The following DLGAP2 variants were observed in gnomAD, a reference collection of about 807,000 sequenced individuals.
DLGAP2 encodes the protein disks large-associated protein 2.
DLGAP2 carries 26 observed loss-of-function variants against 100.3 expected under a neutral mutation model. The ratio of observed to expected loss-of-function variants is 0.26; its 90% confidence interval spans 0.19 to 0.36. The LOEUF is 0.36. Ranked by LOEUF, DLGAP2 falls within the 10% of genes least tolerant of loss-of-function variation. The pLI is 1.00. For missense variants in DLGAP2, 1,858 were observed against 1,453.2 expected, an observed-to-expected ratio of 1.28 and a Z score of -4.53; for synonymous variants, 886 against 630.1, an observed-to-expected ratio of 1.41 and a Z score of -6.08.
chr8:1,194,440 C>T (rs67565172), intron 2 of DLGAP2, among the ~76,000 whole-genome samples: 72,662 of 151,910 alleles, frequency 0.48, 18,112 homozygotes, highest in African/African-American at 0.63. Flanking sequence ...CTGCCCAGGG[C>T]GGCCTCCAGG....
At chr8:1,577,609 C>T (rs1803041249) in intron 6 of DLGAP2, among the ~76,000 whole-genome samples, 1 of 149,944 alleles carries the variant, frequency 6.7e-6, no homozygotes, top group South Asian at 2.1e-4. Context: ...AAGTAAATGC[C>T]ACAGGATATC....
At chr8:903,662 G>A (rs895892265) in intron 1 of DLGAP2, among the ~76,000 whole-genome samples, 6 of 152,078 alleles carry the variant, frequency 3.9e-5, no homozygotes, top group African/African-American at 1.4e-4. Flanking sequence ...TTGGTGAATG[G>A]CACGGCCATG....
chr8:941,923 C>T (rs542460498), intron 2 of DLGAP2, among the ~76,000 whole-genome samples: 12 of 152,100 alleles, frequency 7.9e-5, no homozygotes, highest in South Asian at 2.1e-4. Flanking sequence ...TACAGGTGCC[C>T]GGAGGTTTTG....
chr8:813,809 A>T (rs894240857), intron 1 of DLGAP2, among the ~76,000 whole-genome samples: 1 of 152,152 alleles, frequency 6.6e-6, no homozygotes, highest in Non-Finnish European at 1.5e-5. Flanking sequence ...TCCAGCAGAT[A>T]AACAGTGAGA....
chr8:986,733 C>G (rs2129015569), intron 2 of DLGAP2, among the ~76,000 whole-genome samples: 1 of 151,382 alleles, frequency 6.6e-6, no homozygotes, highest in African/African-American at 2.4e-5. Context: ...AATCTTGGCT[C>G]ACTGAAACCT....
At chr8:1,299,591 C>T (rs1236457957) in intron 3 of DLGAP2, among the ~76,000 whole-genome samples, 3 of 152,204 alleles carry the variant, frequency 2.0e-5, no homozygotes, top group South Asian at 4.1e-4. Context: ...CTAGCAGATT[C>T]GTTCCTGCTG....
intron 3 of DLGAP2, among the ~76,000 whole-genome samples, chr8:1,351,982 C>T (rs1408786313): frequency 2.7e-5 from 2 of 73,316 alleles, no homozygotes; most frequent in South Asian, 9.7e-4. Context: ...AAACGCCGTG[C>T]GGGTCCTGAC....
rs114008333 is a variant in DLGAP2, at chr8:1,205,694, C to A, written c.74-53157C>A. Among the ~76,000 whole-genome samples, 316 of 152,290 alleles carry A rather than the reference C, an allele frequency of 2.1e-3. 1 individual carries two copies. Among genetic ancestry groups the A allele is most frequent in the African/African-American group, 7.2e-3 (301 of 41,566 alleles). ...TGGACAGGTAGAGGTGACCGGAGCA[C>A]TGGGATTCGGACAGGTTCTCAGCGT... On this transcript the variant is annotated intron_variant, in intron 2 of 14. Transcript: ENST00000637795.
At chr8:998,889 G>C (rs1336671226) in intron 2 of DLGAP2, among the ~76,000 whole-genome samples, 2 of 152,080 alleles carry the variant, frequency 1.3e-5, no homozygotes, top group Admixed American at 6.5e-5. Context: ...CCAGTGCAGG[G>C]GCCTGGGTTT....
Position 1,644,122 on chromosome 8 carries a change from C to G in DLGAP2, c.1810+11076C>G, listed in dbSNP as rs910986634. On this transcript the variant is annotated intron_variant, in intron 8 of 14. Transcript: ENST00000637795. ...TGTCACCCTCGACCCCGCCGGCCCT[C>G]ACCTGTGTCACCCCTCGGGGCTGAA... Among the ~76,000 whole-genome samples the G allele has an allele frequency of 2.6e-5, 4 of 151,336 alleles. 1 individual carries two copies. Among genetic ancestry groups the G allele is most frequent in the Admixed American group, 1.3e-4 (2 of 15,136 alleles).
At chr8:958,734 C>G (rs940042278) in intron 2 of DLGAP2, among the ~76,000 whole-genome samples, 15 of 151,964 alleles carry the variant, frequency 9.9e-5, no homozygotes, top group African/African-American at 3.1e-4. Context: ...AGAAGAGTTT[C>G]AGTAGTTTAG....
chr8:832,024 C>T (rs11784636), intron 1 of DLGAP2, among the ~76,000 whole-genome samples: 28,421 of 152,160 alleles, frequency 0.19, 3,353 homozygotes, highest in Admixed American at 0.38. Context: ...TGAGAAGTGT[C>T]TGTTCATGTC....
At chr8:1,032,757 T>C (rs1182533943) in intron 2 of DLGAP2, 1 of 152,180 alleles carries the variant, frequency 6.6e-6, no homozygotes, top group Non-Finnish European at 1.5e-5. Flanking sequence ...TTTGTAGAAA[T>C]GAGATGTGTT....
intron 2 of DLGAP2, among the ~76,000 whole-genome samples, chr8:1,169,187 G>A (rs1035455496): frequency 2.6e-5 from 4 of 152,012 alleles, no homozygotes; most frequent in Admixed American, 2.6e-4. Flanking sequence ...AGATCAGATG[G>A]TTGTAGATAT....
chr8:1,128,637 A>T (rs1796224724), intron 2 of DLGAP2, among the ~76,000 whole-genome samples: 1 of 152,200 alleles, frequency 6.6e-6, no homozygotes. Context: ...AGATTGGCCA[A>T]CAACACGTTT....
chr8:1,533,362 C>T (rs1047129740), intron 4 of DLGAP2, among the ~76,000 whole-genome samples: 6 of 151,804 alleles, frequency 4.0e-5, no homozygotes, highest in African/African-American at 1.5e-4. Flanking sequence ...AAAAATTAGC[C>T]GGGCGTTGTG....
intron 4 of DLGAP2, among the ~76,000 whole-genome samples, chr8:1,501,681 A>G (rs1365033377): frequency 1.3e-5 from 2 of 152,224 alleles, no homozygotes; most frequent in Non-Finnish European, 2.9e-5. Context: ...TAAACGATGC[A>G]TGTCTCCAGA....
chr8:1,674,124 G>A (rs919258894), intron 10 of DLGAP2, among the ~76,000 whole-genome samples: 8 of 152,196 alleles, frequency 5.3e-5, no homozygotes, highest in African/African-American at 1.9e-4. Flanking sequence ...TGCAATCACA[G>A]CTAACTGCAG....
chr8:1,317,950 TGCGAGTGCAGCGTCTCTCCAA>T, intron 3 of DLGAP2, among the ~76,000 whole-genome samples: 1 of 66,498 alleles, frequency 1.5e-5, no homozygotes, highest in Non-Finnish European at 2.8e-5. Context: ...ATAGAGCGTG[TGCGAGTGCAGCGTCTCTCCAA>T]CAGTGGTCTA....
Sources: gnomAD v4.1 joint callset for allele counts (sites outside exome capture counted in the v4.1 genomes callset) on GRCh38, gnomAD v4.1.1 for gene constraint, MANE v1.5 for transcripts, NCBI Gene and HGNC (gene_info 2026-07-23, HGNC 2026-07-21) for gene names.